Variants in BMP6 observed in about 807,000 individuals in gnomAD.
The protein encoded by BMP6 is VG-1-R.
BMP6 carries 17 observed loss-of-function variants against 54.1 expected under a neutral mutation model. The observed-to-expected ratio is 0.31, with a 90% CI of 0.22 to 0.47. The LOEUF (loss-of-function observed/expected upper bound fraction) is 0.47, where lower values mean the gene tolerates loss of function less well. Among genes scored for constraint, BMP6 ranks in the 20% least tolerant of loss-of-function variants. BMP6 has a pLI of 1.00. For synonymous variants in BMP6, 328 were observed against 291.2 expected, an observed-to-expected ratio of 1.13 and a Z score of -1.28; for missense variants, 720 against 690.4, an observed-to-expected ratio of 1.04 and a Z score of -0.48.
intron 2 of BMP6, among the ~76,000 whole-genome samples, chr6:7,856,120 T>TTA (rs538414464): frequency 2.4e-5 from 2 of 83,664 alleles, no homozygotes; most frequent in Admixed American, 1.8e-4. Context: ...TCAAAGACTG[T>TTA]AAAAAAAAAA....
At chr6:7,777,365 A>ACACT (rs1172437545) in intron 1 of BMP6, among the ~76,000 whole-genome samples, 1 of 152,250 alleles carries the variant, frequency 6.6e-6, no homozygotes, top group Non-Finnish European at 1.5e-5. Context: ...GGGCGTGGAT[A>ACACT]CACTTTTATG....
intron 1 of BMP6, among the ~76,000 whole-genome samples, chr6:7,823,611 G>T: frequency 6.6e-6 from 1 of 152,198 alleles, no homozygotes; most frequent in East Asian, 1.9e-4. Context: ...GCTGTGTTAG[G>T]TGGGCAGGTC....
intron 1 of BMP6, among the ~76,000 whole-genome samples, chr6:7,822,382 C>G (rs916275525): frequency 6.6e-6 from 1 of 152,164 alleles, no homozygotes; most frequent in African/African-American, 2.4e-5. Flanking sequence ...GGGTGCATTT[C>G]TTTTCTCTGT....
rs562500213 is a variant in BMP6, at chr6:7,838,724, C to T, written c.665-6416C>T. ...TTGGGAGGCCGAGGCGGGTGGATCACGAGGTCAGGAGATCGAGACCATCCT... is the reference window on the plus strand; with the variant it reads ...TTGGGAGGCCGAGGCGGGTGGATCATGAGGTCAGGAGATCGAGACCATCCT... On this transcript the variant is annotated intron_variant, in intron 1 of 6. Transcript: ENST00000283147. Among the ~76,000 whole-genome samples the T allele has an allele frequency of 5.9e-5, 9 of 152,138 alleles. No homozygotes were observed. The East Asian group carries it at 1.4e-3, about 23-fold the overall frequency.
rs1222604138 is a variant in BMP6 at position 7,727,684 on chromosome 6, G to A, written c.664+65G>A. 3.5e-6 allele frequency: 5 copies of A among 1,430,878 alleles called. No individual in the cohort carries two copies. The African/African-American group carries it at 7.4e-5, about 21-fold the overall frequency. The allele number at this position is 1,430,878 out of a possible 1,614,324, so 88.6% of individuals were successfully genotyped here. A position where few individuals can be genotyped will look rare whatever the true frequency, so the allele number is the denominator to read the frequency against. ...CCTTTTCAGTGTCCCGGGCCCAGGG[G>A]ATGGAGTGAGGGGGTGGAGGAGCTC... On this transcript the variant is annotated intron_variant, in intron 1 of 6. Transcript: ENST00000283147.
At chr6:7,874,817 C>T (rs561174001) in intron 4 of BMP6, among the ~76,000 whole-genome samples, 170 of 111,544 alleles carry the variant, frequency 1.5e-3, no homozygotes, top group African/African-American at 6.7e-3. Flanking sequence ...TGAGATAGCA[C>T]ACTTGCCACC....
chr6:7,862,802 A>G (rs1183865312), intron 4 of BMP6, among the ~76,000 whole-genome samples: 2 of 151,752 alleles, frequency 1.3e-5, no homozygotes, highest in East Asian at 3.9e-4. Context: ...TCCCATCAAA[A>G]CCCTGGGAGC....
At chr6:7,759,548 C>G (rs1757575985) in intron 1 of BMP6, among the ~76,000 whole-genome samples, 1 of 151,940 alleles carries the variant, frequency 6.6e-6, no homozygotes, top group Non-Finnish European at 1.5e-5. Flanking sequence ...CTTTAAGGCC[C>G]TTATAACCCT....
rs58889692 is a variant in BMP6, at chr6:7,794,604, GAAA to G, written c.665-50521_665-50519del. Among the ~76,000 whole-genome samples the G allele has an allele frequency of 5.5e-3, 653 of 119,216 alleles. 6 individuals carry two copies. The highest frequency in any genetic ancestry group is 7.6e-3 in the Admixed American group (87 of 11,428). The allele number at this position is 119,216 out of a possible 152,430, so 78.2% of individuals were successfully genotyped here. A position where few individuals can be genotyped will look rare whatever the true frequency, so the allele number is the denominator to read the frequency against. ...GACAGAATGAAACCCTGTCCCAAAAGAAAAAAAAAAAAAAAAAGGAGAAGAAGA... is the reference window on the plus strand; with the variant it reads ...GACAGAATGAAACCCTGTCCCAAAAGAAAAAAAAAAAAAAGGAGAAGAAGA... On this transcript the variant is annotated intron_variant, in intron 1 of 6. Coordinates refer to ENST00000283147, the MANE Select transcript of BMP6 (RefSeq NM_001718.6).
At chr6:7,864,602 C>T (rs150342041) in intron 4 of BMP6, among the ~76,000 whole-genome samples, 1 of 152,292 alleles carries the variant, frequency 6.6e-6, no homozygotes, top group Non-Finnish European at 1.5e-5. Flanking sequence ...CCTATTTCTT[C>T]TTTGGGAAGC....
intron 1 of BMP6, among the ~76,000 whole-genome samples, chr6:7,765,093 C>T (rs370705256): frequency 1.1e-3 from 162 of 152,310 alleles, no homozygotes; most frequent in African/African-American, 3.8e-3. Flanking sequence ...CTTGCAGTGT[C>T]GTTTTGAGTG....
At chr6:7,727,641 A>G (rs1761766028) in intron 1 of BMP6, 22 bp downstream of exon 1, 2 of 1,512,690 alleles carry the variant, frequency 1.3e-6, no homozygotes, top group Non-Finnish European at 1.8e-6. Context: ...GGGTAACGTA[A>G]TGACGAGAAC....
intron 5 of BMP6, 133 bp downstream of exon 5, chr6:7,879,283 A>T: frequency 1.1e-6 from 1 of 938,922 alleles, no homozygotes; most frequent in South Asian, 1.5e-5. Context: ...AGTCCTGAGG[A>T]GCCCTCCCAA....
intron 4 of BMP6, among the ~76,000 whole-genome samples, chr6:7,872,392 A>T (rs1323200157): frequency 6.6e-6 from 1 of 152,118 alleles, no homozygotes; most frequent in African/African-American, 2.4e-5. Context: ...ATCAACCTTC[A>T]TAAATATTTA....
At chr6:7,727,920 C>T (rs541415247) in intron 1 of BMP6, among the ~76,000 whole-genome samples, 57 of 130,864 alleles carry the variant, frequency 4.4e-4, no homozygotes, top group African/African-American at 1.4e-3. Flanking sequence ...TCCCTGAGCA[C>T]GTTCCGCGCT....
intron 1 of BMP6, among the ~76,000 whole-genome samples, chr6:7,841,001 T>C (rs1226069424): frequency 1.3e-5 from 2 of 152,172 alleles, no homozygotes; most frequent in African/African-American, 4.8e-5. Context: ...AGCAAAGACA[T>C]ACTCCAAGCT....
chr6:7,855,429 G>A (rs1227025627), intron 2 of BMP6, among the ~76,000 whole-genome samples: 1 of 151,986 alleles, frequency 6.6e-6, no homozygotes, highest in Non-Finnish European at 1.5e-5. Flanking sequence ...CTACACTTGA[G>A]AACCACTGAT....
chr6:7,825,425 C>G (rs558676328), intron 1 of BMP6, among the ~76,000 whole-genome samples: 1 of 152,248 alleles, frequency 6.6e-6, no homozygotes, highest in East Asian at 1.9e-4. Context: ...ACTTATAAAA[C>G]TTTAGTGGTT....
chr6:7,801,834 ATGT>A (rs1229910537), intron 1 of BMP6, among the ~76,000 whole-genome samples: 1 of 152,174 alleles, frequency 6.6e-6, no homozygotes, highest in African/African-American at 2.4e-5. Context: ...GACACAACAG[ATGT>A]TGTTCTTGTT....
Sources: gnomAD v4.1 joint callset for allele counts (sites outside exome capture counted in the v4.1 genomes callset) on GRCh38, gnomAD v4.1.1 for gene constraint, MANE v1.5 for transcripts, NCBI Gene and HGNC (gene_info 2026-07-23, HGNC 2026-07-21) for gene names.